Variants in AFG1L observed in about 807,000 individuals in gnomAD.
AFG1L encodes the protein AFG1-like ATPase.
Under a neutral mutation model 62.2 loss-of-function variants are expected in AFG1L, and 53 were observed. The observed-to-expected ratio is 0.85, with a 90% CI of 0.68 to 1.07. The LOEUF is 1.07. Among genes scored for constraint, AFG1L ranks in the 50% least tolerant of loss-of-function variants. The probability of loss-of-function intolerance (pLI) is 0.00; values close to 1 mark genes in which losing one functional copy is unlikely to be tolerated. For synonymous variants in AFG1L, 228 were observed against 210.3 expected (o/e 1.08, Z -0.73); for missense variants, 555 against 590.5 (o/e 0.94, Z 0.62).
chr6:108,398,559 T>A (rs948205898), intron 6 of AFG1L, among the ~76,000 whole-genome samples: 7 of 152,232 alleles, frequency 4.6e-5, no homozygotes, highest in Non-Finnish European at 8.8e-5. Context: ...GTTTCCCCAA[T>A]GTTTTCTTAC....
intron 2 of AFG1L, among the ~76,000 whole-genome samples, chr6:108,324,694 T>C (rs1777967943): frequency 6.8e-6 from 1 of 147,526 alleles, no homozygotes; most frequent in Admixed American, 6.8e-5. Flanking sequence ...TTTCAGGACT[T>C]TTTTTTTTTT....
chr6:108,302,289 A>G (rs1777035368), intron 1 of AFG1L, among the ~76,000 whole-genome samples: 1 of 152,054 alleles, frequency 6.6e-6, no homozygotes, highest in Non-Finnish European at 1.5e-5. Flanking sequence ...TTGAAACATA[A>G]TTTTTCTCTC....
Position 108,471,212 on chromosome 6 carries a change from C to T in AFG1L, c.891-5653C>T, listed in dbSNP as rs565441220. On this transcript the variant is annotated intron_variant, in intron 8 of 12. Coordinates refer to ENST00000368977, the MANE Select transcript of AFG1L (RefSeq NM_145315.5). Reference sequence around the variant, plus strand: ...TCTTTCTTGAGGGTGAGATTTGAAACCTCTGGAAATAATTAATGAGAACAT... The same window carrying T: ...TCTTTCTTGAGGGTGAGATTTGAAATCTCTGGAAATAATTAATGAGAACAT... Among the ~76,000 whole-genome samples, 261 of 152,142 alleles carry T rather than the reference C, an allele frequency of 1.7e-3. 3 individuals carry two copies. The highest frequency in any genetic ancestry group is 6.1e-3 in the African/African-American group (254 of 41,486).
intron 2 of AFG1L, among the ~76,000 whole-genome samples, chr6:108,328,918 A>C (rs1778163962): frequency 6.6e-6 from 1 of 152,220 alleles, no homozygotes; most frequent in Non-Finnish European, 1.5e-5. Context: ...GGGTAGTTGA[A>C]ATCTAATGTA....
At chr6:108,470,469 C>T (rs529386406) in intron 8 of AFG1L, among the ~76,000 whole-genome samples, 1 of 152,300 alleles carries the variant, frequency 6.6e-6, no homozygotes, top group South Asian at 2.1e-4. Context: ...CTAGGTGGCT[C>T]ATTGGCAGTT....
chr6:108,356,269 G>T (rs1447897697), intron 4 of AFG1L, among the ~76,000 whole-genome samples: 2 of 152,140 alleles, frequency 1.3e-5, no homozygotes, highest in Non-Finnish European at 2.9e-5. Context: ...GAATGAAGTG[G>T]ACTGGCCTTA....
intron 2 of AFG1L, among the ~76,000 whole-genome samples, chr6:108,332,034 G>C (rs192928812): frequency 2.0e-3 from 311 of 152,192 alleles, no homozygotes; most frequent in African/African-American, 7.2e-3. Context: ...ACCCTTCCAA[G>C]AGCAATGCAT....
At chr6:108,307,236 A>G (rs936011434) in intron 1 of AFG1L, among the ~76,000 whole-genome samples, 1 of 151,180 alleles carries the variant, frequency 6.6e-6, no homozygotes, top group African/African-American at 2.4e-5. Context: ...CTGGTCTAGA[A>G]CTCCTGACGT....
chr6:108,478,900 G>A (rs1183009327), intron 10 of AFG1L, among the ~76,000 whole-genome samples: 1 of 152,182 alleles, frequency 6.6e-6, no homozygotes, highest in Non-Finnish European at 1.5e-5. Flanking sequence ...CTGTCCGGGG[G>A]TGATGGGGAA....
intron 10 of AFG1L, among the ~76,000 whole-genome samples, chr6:108,503,277 G>A (rs1042723505): frequency 3.3e-5 from 5 of 152,102 alleles, no homozygotes; most frequent in African/African-American, 9.7e-5. Context: ...CACAGGAATC[G>A]CTATATGTGG....
In AFG1L at chr6:108,336,143, A is replaced by T. The variant is rs536100803; in HGVS notation, c.364-10845A>T. Among the ~76,000 whole-genome samples the T allele has an allele frequency of 5.3e-5, 8 of 152,310 alleles. No homozygotes were observed. The South Asian group carries it at 1.7e-3, about 32-fold the overall frequency. Reference sequence around the variant, plus strand: ...AAGATCTTCTTAGAAACCTGAAATGATCTACTTTTATCAAAAAGTGGTCCA... The same window carrying T: ...AAGATCTTCTTAGAAACCTGAAATGTTCTACTTTTATCAAAAAGTGGTCCA... On this transcript the variant is annotated intron_variant, in intron 2 of 12. Transcript: ENST00000368977.
At chr6:108,354,676 G>A (rs571914010) in intron 3 of AFG1L, among the ~76,000 whole-genome samples, 32 of 152,238 alleles carry the variant, frequency 2.1e-4, no homozygotes, top group East Asian at 1.7e-3. Context: ...GTGTGGATAT[G>A]CTAGACAAAG....
At chr6:108,450,945 A>G (rs1454565436) in intron 8 of AFG1L, among the ~76,000 whole-genome samples, 2 of 151,964 alleles carry the variant, frequency 1.3e-5, no homozygotes, top group Non-Finnish European at 2.9e-5. Context: ...TATTAAAAAA[A>G]AAAAAAAAGA....
intron 6 of AFG1L, among the ~76,000 whole-genome samples, chr6:108,367,675 C>T (rs1423440584): frequency 6.6e-6 from 1 of 151,976 alleles, no homozygotes; most frequent in Non-Finnish European, 1.5e-5. Flanking sequence ...AAGGGGGATA[C>T]ATATAAGAGT....
At chr6:108,402,764 G>A (rs1163804099) in intron 7 of AFG1L, among the ~76,000 whole-genome samples, 1 of 151,696 alleles carries the variant, frequency 6.6e-6, no homozygotes, top group Admixed American at 6.6e-5. Context: ...TTTCCTTCAG[G>A]TTAATGGCCA....
intron 8 of AFG1L, among the ~76,000 whole-genome samples, chr6:108,455,759 C>G (rs1033194907): frequency 3.3e-5 from 5 of 152,010 alleles, no homozygotes; most frequent in Non-Finnish European, 5.9e-5. Flanking sequence ...ATACATCTTT[C>G]TGTTAATGAT....
At chr6:108,316,082 T>C (rs1483916667) in intron 1 of AFG1L, among the ~76,000 whole-genome samples, 2 of 151,910 alleles carry the variant, frequency 1.3e-5, no homozygotes, top group African/African-American at 4.8e-5. Flanking sequence ...TCTTATCTTG[T>C]TTAAAAATCG....
chr6:108,345,616 T>G (rs1778835884), intron 2 of AFG1L, among the ~76,000 whole-genome samples: 1 of 151,672 alleles, frequency 6.6e-6, no homozygotes, highest in South Asian at 2.1e-4. Flanking sequence ...GAATTATAGA[T>G]GTGAGCCACC....
chr6:108,478,974 C>T (rs758132311), intron 10 of AFG1L, among the ~76,000 whole-genome samples: 7 of 152,098 alleles, frequency 4.6e-5, no homozygotes, highest in Non-Finnish European at 1.0e-4. Context: ...ATTGTTTTGT[C>T]TTATTTGACA....
Sources: gnomAD v4.1 joint callset for allele counts (sites outside exome capture counted in the v4.1 genomes callset) on GRCh38, gnomAD v4.1.1 for gene constraint, MANE v1.5 for transcripts, NCBI Gene and HGNC (gene_info 2026-07-23, HGNC 2026-07-21) for gene names.